Variants in STOM observed in about 807,000 individuals in gnomAD.
STOM encodes erythrocyte band 7 integral membrane protein.
In STOM, 25 loss-of-function variants were observed where a neutral mutation model predicts 30.6. The observed-to-expected ratio is 0.82, with a 90% CI of 0.60 to 1.14. The LOEUF (loss-of-function observed/expected upper bound fraction) is 1.14. Ranked by LOEUF, STOM falls within the 50% of genes most tolerant of loss-of-function variation. STOM has a pLI of 0.00. For missense variants in STOM, 292 were observed against 365.2 expected (o/e 0.80, Z 1.63); for synonymous variants, 118 against 130.8 (o/e 0.90, Z 0.67).
At chr9:121,349,055 C>A in intron 5 of STOM, 65 bp downstream of exon 5, 1 of 1,536,878 alleles carries the variant, frequency 6.5e-7, no homozygotes, top group Non-Finnish European at 8.9e-7. Flanking sequence ...GGTTCTCAAA[C>A]AACCATTGAC....
intron 6 of STOM, among the ~76,000 whole-genome samples, chr9:121,343,518 A>G (rs1357016262): frequency 6.6e-6 from 1 of 152,216 alleles, no homozygotes; most frequent in African/African-American, 2.4e-5. Context: ...GCACAGTGCA[A>G]GCAAACAGAA....
At chr9:121,366,472 A>AT (rs955674117) in intron 1 of STOM, among the ~76,000 whole-genome samples, 2 of 152,182 alleles carry the variant, frequency 1.3e-5, no homozygotes, top group Admixed American at 6.5e-5. Context: ...TAAGGACAAT[A>AT]TATTATCTTG....
intron 6 of STOM, among the ~76,000 whole-genome samples, chr9:121,345,339 C>T (rs769841430): frequency 1.2e-4 from 18 of 152,104 alleles, no homozygotes; most frequent in Non-Finnish European, 2.1e-4. Flanking sequence ...GGTTCTTTTC[C>T]GTTCTTTTCA....
intron 1 of STOM, among the ~76,000 whole-genome samples, chr9:121,364,875 T>G (rs186104953): frequency 3.3e-5 from 5 of 152,304 alleles, no homozygotes; most frequent in Admixed American, 3.3e-4. Context: ...TTCATGAGAT[T>G]TTGGTTTTAT....
At chr9:121,345,161 A>G (rs1449050250) in intron 6 of STOM, among the ~76,000 whole-genome samples, 1 of 152,186 alleles carries the variant, frequency 6.6e-6, no homozygotes, top group Non-Finnish European at 1.5e-5. Context: ...TAAACATATG[A>G]GTGCATTTCT....
At chr9:121,354,516 T>C (rs2064367473) in intron 3 of STOM, 85 bp downstream of exon 3, 2 of 1,120,782 alleles carry the variant, frequency 1.8e-6, no homozygotes, top group Non-Finnish European at 1.3e-6. Flanking sequence ...TGAAACCCTG[T>C]CTTTAAAAAA....
chr9:121,362,450 T>C (rs2134043511), intron 1 of STOM, among the ~76,000 whole-genome samples: 1 of 152,298 alleles, frequency 6.6e-6, no homozygotes, highest in East Asian at 1.9e-4. Context: ...ATTAATTAAT[T>C]CCATTTTATA....
Position 121,340,982 on chromosome 9 carries a change from A to G in STOM, c.*220T>C. 7 of 1,393,604 alleles carry G rather than the reference A, an allele frequency of 5.0e-6. No individual in the cohort carries two copies. Among genetic ancestry groups the G allele is most frequent in the Non-Finnish European group, 6.5e-6 (7 of 1,075,616 alleles). 86.3% of individuals were successfully genotyped at this position (1,393,604 alleles called of 1,614,324 possible). ...ACTACATAATAATCTAAAAATACAA[A>G]CTTTTAACTATTTTAAGACTAACAG... On this transcript the variant is annotated 3_prime_UTR_variant, in exon 7 of 7. Transcript: ENST00000286713.
At chr9:121,349,076 A>AC in intron 5 of STOM, 44 bp downstream of exon 5, 1 of 1,598,844 alleles carries the variant, frequency 6.3e-7, no homozygotes, top group South Asian at 1.1e-5. Context: ...TCTTTGCTTC[A>AC]TTTTTCAGCT....
intron 1 of STOM, among the ~76,000 whole-genome samples, chr9:121,362,425 C>T (rs932812081): frequency 6.6e-6 from 1 of 152,058 alleles, no homozygotes; most frequent in Non-Finnish European, 1.5e-5. Context: ...TATTCTTTAT[C>T]ATTATTAAAG....
At chr9:121,362,952 A>C (rs1157505837) in intron 1 of STOM, among the ~76,000 whole-genome samples, 1 of 152,152 alleles carries the variant, frequency 6.6e-6, no homozygotes, top group Non-Finnish European at 1.5e-5. Context: ...CCATCAGCTG[A>C]TTTACTTTCA....
intron 1 of STOM, among the ~76,000 whole-genome samples, chr9:121,358,222 C>G (rs1179326693): frequency 6.6e-6 from 1 of 151,700 alleles, no homozygotes; most frequent in African/African-American, 2.4e-5. Flanking sequence ...TTTGGGAGGC[C>G]GAGATGGGAG....
chr9:121,370,124 C>G lies in STOM; in HGVS notation c.61+3G>C. On this transcript the variant is annotated splice_donor_region_variant and intron_variant, in intron 1 of 6. Coordinates refer to ENST00000286713, the MANE Select transcript of STOM (RefSeq NM_004099.6). ...GGGGAGGGTCAGGGGACGCGGGACT[C>G]ACCCTTGAAGGAGTCGGGGAGCCGC... 5.2e-6 allele frequency: 8 copies of G among 1,542,362 alleles called. No homozygotes were observed. The highest frequency in any genetic ancestry group is 7.0e-6 in the Non-Finnish European group (8 of 1,145,162).
intron 4 of STOM, among the ~76,000 whole-genome samples, chr9:121,352,142 C>T (rs2064345142): frequency 6.6e-6 from 1 of 152,144 alleles, no homozygotes; most frequent in Admixed American, 6.5e-5. Context: ...TCCAAGGATG[C>T]TCAAGTCTCT....
chr9:121,340,224 G>T lies in STOM; in HGVS notation c.*978C>A, dbSNP rs2064233846. On this transcript the variant is annotated 3_prime_UTR_variant, in exon 7 of 7. Transcript: ENST00000286713. The stretch of plus-strand genomic sequence containing the variant: ...GAGGAATCATTTACTCATAAAGAAG[G>T]CTCAAATAAGTTAAAACATGGATGT... The T allele has an allele frequency of 8.1e-6, 8 of 985,222 alleles. No individual in the cohort carries two copies. The highest frequency in any genetic ancestry group is 8.4e-6 in the Non-Finnish European group (7 of 829,902). 61.0% of individuals were successfully genotyped at this position (985,222 alleles called of 1,614,324 possible).
chr9:121,353,150 CTAACTA>C, intron 4 of STOM, 64 bp downstream of exon 4: 1 of 779,974 alleles, frequency 1.3e-6, no homozygotes, highest in Non-Finnish European at 2.0e-6. Context: ...AGCCTACACT[CTAACTA>C]TTCTGTCCCT....
chr9:121,340,496 G>C lies in STOM; in HGVS notation c.*706C>G. On this transcript the variant is annotated 3_prime_UTR_variant, in exon 7 of 7. Coordinates refer to ENST00000286713, the MANE Select transcript of STOM (RefSeq NM_004099.6). Reference sequence around the variant, plus strand: ...TCATGCCTGTAATCCCAGCACTTTGGGAGGCAGAGGTGGGTGGATCACCTG... The same window carrying C: ...TCATGCCTGTAATCCCAGCACTTTGCGAGGCAGAGGTGGGTGGATCACCTG... 3.1e-6 allele frequency: 3 copies of C among 976,392 alleles called. No homozygotes were observed. Among genetic ancestry groups the C allele is most frequent in the Non-Finnish European group, 3.7e-6 (3 of 821,820 alleles). The allele number at this position is 976,392 out of a possible 1,614,324, so 60.5% of individuals were successfully genotyped here.
rs374653443 is a variant in STOM, at chr9:121,354,284, T to C, written c.238+317A>G. On this transcript the variant is annotated intron_variant, in intron 3 of 6. Coordinates refer to ENST00000286713, the MANE Select transcript of STOM (RefSeq NM_004099.6). The stretch of plus-strand genomic sequence containing the variant: ...AAAGATTGGCTAGAACCACTGCTAT[T>C]GTTATACAACTCCTGCTACATGAAC... Among the ~76,000 whole-genome samples the C allele has an allele frequency of 3.9e-4, 60 of 152,320 alleles. No individual in the cohort carries two copies. In the East Asian group the frequency reaches 0.011, roughly 28 times the overall value.
At chr9:121,358,543 C>T (rs1259892783) in intron 1 of STOM, among the ~76,000 whole-genome samples, 3 of 152,182 alleles carry the variant, frequency 2.0e-5, no homozygotes, top group Admixed American at 2.0e-4. Flanking sequence ...CTTTCTACTA[C>T]AGAAAAAGAT....
Sources: allele counts gnomAD v4.1 joint callset (sites outside exome capture counted in the v4.1 genomes callset), GRCh38; gene constraint gnomAD v4.1.1; transcripts MANE v1.5; gene names NCBI Gene and HGNC (gene_info 2026-07-23, HGNC 2026-07-21).